Variants in WWOX observed in about 807,000 individuals in gnomAD.
The protein encoded by WWOX is WW domain containing oxidoreductase.
A neutral mutation model predicts 46.2 loss-of-function variants in WWOX; 69 were observed. The observed-to-expected ratio is 1.49, with a 90% CI of 1.23 to 1.82. The LOEUF is 1.82. Ranked by LOEUF, WWOX falls within the 40% of genes most tolerant of loss-of-function variation. WWOX has a pLI of 0.00. For missense variants in WWOX, 919 were observed against 542.6 expected (o/e 1.69, Z -6.89); for synonymous variants, 359 against 202.6 (o/e 1.77, Z -6.56).
intron 5 of WWOX, among the ~76,000 whole-genome samples, chr16:78,337,447 G>A (rs1338263556): frequency 6.6e-6 from 1 of 152,168 alleles, no homozygotes; most frequent in Non-Finnish European, 1.5e-5. Context: ...CATTAGTGTG[G>A]CACATTTGCT....
intron 8 of WWOX, among the ~76,000 whole-genome samples, chr16:78,641,016 C>G (rs757658200): frequency 6.6e-5 from 10 of 151,636 alleles, no homozygotes; most frequent in Non-Finnish European, 1.2e-4. Context: ...GGAAAGGAAC[C>G]AGCTGCAAAA....
chr16:78,700,734 C>G (rs1316067115), intron 8 of WWOX, among the ~76,000 whole-genome samples: 1 of 152,184 alleles, frequency 6.6e-6, no homozygotes, highest in Non-Finnish European at 1.5e-5. Flanking sequence ...TGGCCACAGC[C>G]TCTAGAACCA....
intron 8 of WWOX, among the ~76,000 whole-genome samples, chr16:78,453,394 G>A (rs374802422): frequency 6.0e-5 from 9 of 151,056 alleles, no homozygotes; most frequent in South Asian, 2.1e-4. Flanking sequence ...CAGCACTTCA[G>A]CCTGGGCGCA....
intron 8 of WWOX, among the ~76,000 whole-genome samples, chr16:78,847,989 G>A (rs2052344727): frequency 6.6e-6 from 1 of 152,158 alleles, no homozygotes; most frequent in South Asian, 2.1e-4. Context: ...TAAAGGGAGA[G>A]TGGTTGCCCC....
At chr16:78,575,073 A>T (rs543282545) in intron 8 of WWOX, among the ~76,000 whole-genome samples, 5 of 30,294 alleles carry the variant, frequency 1.7e-4, no homozygotes, top group Admixed American at 6.4e-4. Flanking sequence ...ATATATATAT[A>T]TATATATATA....
At chr16:78,252,863 T>G (rs1218002245) in intron 5 of WWOX, among the ~76,000 whole-genome samples, 1 of 152,222 alleles carries the variant, frequency 6.6e-6, no homozygotes, top group Non-Finnish European at 1.5e-5. Context: ...TATGCATGCA[T>G]TACAAATGGC....
intron 8 of WWOX, among the ~76,000 whole-genome samples, chr16:79,127,356 C>T (rs1182381417): frequency 6.6e-6 from 1 of 152,056 alleles, no homozygotes; most frequent in Non-Finnish European, 1.5e-5. Context: ...TTCTTCTGCC[C>T]TCCCCTTCAC....
At position 78,566,659 on chromosome 16, in the gene WWOX, C is replaced by G. The variant is rs537256311; in HGVS notation, c.1056+133907C>G. On this transcript the variant is annotated intron_variant, in intron 8 of 8. Coordinates refer to ENST00000566780, the MANE Select transcript of WWOX (RefSeq NM_016373.4). ...GCTTCCTTCTTCTGTAGGGAGAAGT[C>G]TCTCAGGACAGGGCTCACAACAGTG... is the stretch of plus-strand genomic sequence containing the variant. Among the ~76,000 whole-genome samples, 14 of 152,280 alleles carry G rather than the reference C, an allele frequency of 9.2e-5. No individual in the cohort carries two copies. In the South Asian group the frequency reaches 1.5e-3, roughly 16 times the overall value.
At chr16:78,928,696 G>T (rs1368714000) in intron 8 of WWOX, among the ~76,000 whole-genome samples, 4 of 152,122 alleles carry the variant, frequency 2.6e-5, no homozygotes, top group African/African-American at 7.2e-5. Flanking sequence ...AATGTGATCA[G>T]TTGGTATATT....
chr16:78,708,823 A>T (rs780524393), intron 8 of WWOX, among the ~76,000 whole-genome samples: 3 of 152,222 alleles, frequency 2.0e-5, no homozygotes, highest in Non-Finnish European at 4.4e-5. Context: ...GGCCATAAAA[A>T]AATTATTTTT....
At chr16:79,089,581 C>T (rs1458901573) in intron 8 of WWOX, among the ~76,000 whole-genome samples, 4 of 152,152 alleles carry the variant, frequency 2.6e-5, no homozygotes, top group African/African-American at 9.7e-5. Flanking sequence ...CTGCCCGCCT[C>T]AAAGTCCCAA....
intron 5 of WWOX, among the ~76,000 whole-genome samples, chr16:78,185,799 T>G (rs766858751): frequency 1.6e-4 from 25 of 152,164 alleles, no homozygotes; most frequent in Non-Finnish European, 3.2e-4. Flanking sequence ...CCAGAGTAGC[T>G]GGGATTACAG....
At chr16:79,092,773 G>C (rs4888925) in intron 8 of WWOX, among the ~76,000 whole-genome samples, 2 of 151,880 alleles carry the variant, frequency 1.3e-5, no homozygotes, top group Non-Finnish European at 2.9e-5. Context: ...TGTAAACGTT[G>C]TTGAAAACAT....
intron 8 of WWOX, among the ~76,000 whole-genome samples, chr16:79,125,701 A>T (rs2049737926): frequency 6.6e-6 from 1 of 152,210 alleles, no homozygotes; most frequent in South Asian, 2.1e-4. Context: ...AACAATGTTG[A>T]CATTGTGAAT....
At chr16:78,882,294 A>G (rs904231753) in intron 8 of WWOX, among the ~76,000 whole-genome samples, 4 of 152,172 alleles carry the variant, frequency 2.6e-5, no homozygotes, top group African/African-American at 4.8e-5. Context: ...CAGTATTTGT[A>G]TCATCATTTC....
At chr16:78,125,044 C>A (rs1310089394) in intron 4 of WWOX, among the ~76,000 whole-genome samples, 1 of 152,184 alleles carries the variant, frequency 6.6e-6, no homozygotes, top group Non-Finnish European at 1.5e-5. Context: ...TGCACAGAAA[C>A]TGAAGTTAAA....
At chr16:78,854,663 C>T (rs1251523933) in intron 8 of WWOX, among the ~76,000 whole-genome samples, 1 of 152,176 alleles carries the variant, frequency 6.6e-6, no homozygotes, top group Non-Finnish European at 1.5e-5. Context: ...TGACTGCAAC[C>T]TCCGCCTCCC....
At chr16:79,111,218 G>A (rs1015985884) in intron 8 of WWOX, among the ~76,000 whole-genome samples, 1 of 152,150 alleles carries the variant, frequency 6.6e-6, no homozygotes, top group Non-Finnish European at 1.5e-5. Context: ...TATGACCAAG[G>A]GCTCATGATT....
At chr16:78,872,252 A>G (rs1467473358) in intron 8 of WWOX, among the ~76,000 whole-genome samples, 1 of 152,246 alleles carries the variant, frequency 6.6e-6, no homozygotes, top group Non-Finnish European at 1.5e-5. Flanking sequence ...ATGAGAGCTC[A>G]GAAAAGTTTA....
Sources: allele counts gnomAD v4.1 joint callset (sites outside exome capture counted in the v4.1 genomes callset), GRCh38; gene constraint gnomAD v4.1.1; transcripts MANE v1.5; gene names NCBI Gene and HGNC (gene_info 2026-07-23, HGNC 2026-07-21).